Variants in BRPF3 observed in about 807,000 individuals in gnomAD.
The protein encoded by BRPF3 is bromodomain and PHD finger-containing protein 3.
Under a neutral mutation model 102.0 loss-of-function variants are expected in BRPF3, and 18 were observed. The ratio of observed to expected loss-of-function variants is 0.18; its 90% CI spans 0.12 to 0.26. BRPF3 has a LOEUF of 0.26. BRPF3 is among the 10% of genes least tolerant of loss of function. The pLI is 1.00. For synonymous variants in BRPF3, 570 were observed against 614.2 expected, an observed-to-expected ratio of 0.93 and a Z score of 1.06; for missense variants, 1,147 against 1,567.8, an observed-to-expected ratio of 0.73 and a Z score of 4.53.
Position 36,225,299 on chromosome 6 carries a change from G to A in BRPF3, c.3214G>A (p.Gly1072Arg), listed in dbSNP as rs140562388. The A allele has an allele frequency of 1.2e-5, 19 of 1,610,094 alleles. No individual in the cohort carries two copies. The highest frequency in any genetic ancestry group is 1.1e-4 in the African/African-American group (8 of 75,038). ...CCTCCTGCTGCCCTTTGAAGACCGC[G>A]GAGACCTGGAGCCCTTGGAGCTGGT... The part of the protein sequence containing the change: ...RSLLLPFEDR[G>R]DLEPLELVWA... Residue 1072 changes from glycine (G) to arginine (R), a missense_variant, in exon 11 of 13, where the codon GGA becomes AGA. Gly to Arg is a moderately radical substitution (Grantham distance 125). Coordinates refer to ENST00000357641, the MANE Select transcript of BRPF3 (RefSeq NM_015695.3).
chr6:36,214,668 TC>T (rs1457239624), intron 8 of BRPF3, among the ~76,000 whole-genome samples: 1 of 152,230 alleles, frequency 6.6e-6, no homozygotes, highest in Non-Finnish European at 1.5e-5. Flanking sequence ...TACCTTCATT[TC>T]AGTTCATTCA....
chr6:36,207,389 G>T lies in BRPF3; in HGVS notation c.1682G>T (p.Arg561Leu). The T allele has an allele frequency of 6.2e-7, 1 of 1,614,112 alleles. No individual in the cohort carries two copies. Among genetic ancestry groups the T allele is most frequent in the African/African-American group, 1.3e-5 (1 of 75,024 alleles). ...YWQKLRHDLE[R>L]ARLLIELIRK... ...CAGAAGCTCCGGCATGACTTGGAGC[G>T]GGCGCGGCTGCTGATTGAGCTGATT... Residue 561 changes from arginine (R) to leucine (L), a missense_variant, in exon 4 of 13, where the codon CGG (arginine) becomes CTG (leucine). Coordinates refer to ENST00000357641, the MANE Select transcript of BRPF3 (RefSeq NM_015695.3).
intron 9 of BRPF3, among the ~76,000 whole-genome samples, chr6:36,220,222 T>C (rs1195513324): frequency 6.6e-6 from 1 of 152,250 alleles, no homozygotes; most frequent in Non-Finnish European, 1.5e-5. Flanking sequence ...TCCTATTTTA[T>C]TGAGCTCATC....
intron 9 of BRPF3, among the ~76,000 whole-genome samples, chr6:36,219,617 T>G (rs1768462384): frequency 6.6e-6 from 1 of 152,212 alleles, no homozygotes; most frequent in Non-Finnish European, 1.5e-5. Flanking sequence ...GTGGCGTGTT[T>G]GCCTTTCTGC....
chr6:36,220,761 G>A (rs546462409), intron 9 of BRPF3, among the ~76,000 whole-genome samples: 1 of 152,146 alleles, frequency 6.6e-6, no homozygotes, highest in East Asian at 1.9e-4. Context: ...TTCCCAAACA[G>A]TTTCTATTTT....
chr6:36,230,324 C>T lies in BRPF3; in HGVS notation c.3435-102C>T. On this transcript the variant is annotated intron_variant, in intron 12 of 12. Coordinates refer to ENST00000357641, the MANE Select transcript of BRPF3 (RefSeq NM_015695.3). This position sits in a 1 kb window ranked among gnomAD's most constrained non-coding sequence, Gnocchi z 5.4. The stretch of plus-strand genomic sequence containing the variant: ...CAATTTGCTTCCCTCTGCCCTGTAC[C>T]CTCTCCCTGGCTTTGCTGGTCCTGG... 1 of 1,216,084 alleles carries T rather than the reference C, an allele frequency of 8.2e-7. No homozygotes were observed. The highest frequency in any genetic ancestry group is 1.2e-6 in the Non-Finnish European group (1 of 846,756). The allele number at this position is 1,216,084 out of a possible 1,614,324, so 75.3% of individuals were successfully genotyped here. A position where few individuals can be genotyped will look rare whatever the true frequency, so the allele number is the denominator to read the frequency against.
intron 11 of BRPF3, among the ~76,000 whole-genome samples, chr6:36,225,573 C>T (rs1044327668): frequency 5.3e-5 from 8 of 152,122 alleles, no homozygotes; most frequent in African/African-American, 1.9e-4. Context: ...AGATCAAGGC[C>T]AGGGTTCTTA....
intron 6 of BRPF3, 97 bp from the exon 7 acceptor site, chr6:36,211,161 C>T (rs1011065758): frequency 6.5e-6 from 9 of 1,375,126 alleles, no homozygotes; most frequent in Non-Finnish European, 8.9e-6. Context: ...CCAGGCATTC[C>T]AAGAGAGAGT....
intron 12 of BRPF3, among the ~76,000 whole-genome samples, chr6:36,229,957 T>G (rs182056230): frequency 1.3e-5 from 2 of 152,176 alleles, no homozygotes; most frequent in Non-Finnish European, 2.9e-5. Context: ...CCACATGTTA[T>G]ATTCACCCGG....
rs1030738974 is a variant in BRPF3, at chr6:36,231,008, C to T, written c.*399C>T. On this transcript the variant is annotated 3_prime_UTR_variant, in exon 13 of 13. Transcript: ENST00000357641. ...GGGCGGGTGAGGTTCCGACACTGAT[C>T]CCAGAGATGCCGTGGATACGCCAGG... 1.1e-4 allele frequency: 19 copies of T among 178,312 alleles called. No homozygotes were observed. Among genetic ancestry groups the T allele is most frequent in the Admixed American group, 1.0e-3 (17 of 16,830 alleles). The allele number at this position is 178,312 out of a possible 1,614,324, so 11.0% of individuals were successfully genotyped here. A position where few individuals can be genotyped will look rare whatever the true frequency, so the allele number is the denominator to read the frequency against.
chr6:36,218,358 A>G (rs1445417686), intron 9 of BRPF3, among the ~76,000 whole-genome samples: 2 of 152,090 alleles, frequency 1.3e-5, no homozygotes, highest in Admixed American at 1.3e-4. Context: ...CAACCCAGCC[A>G]TTACAGAGTT....
intron 2 of BRPF3, among the ~76,000 whole-genome samples, chr6:36,202,171 G>A (rs1328947490): frequency 6.6e-6 from 1 of 152,056 alleles, no homozygotes; most frequent in African/African-American, 2.4e-5. Context: ...CCTGGTCTTT[G>A]TGACAAACTC....
chr6:36,203,807 A>T (rs1767804667), intron 2 of BRPF3, among the ~76,000 whole-genome samples: 1 of 152,222 alleles, frequency 6.6e-6, no homozygotes, highest in Admixed American at 6.5e-5. Flanking sequence ...GAGATCGTGG[A>T]TTCAAATCCA....
Position 36,231,732 on chromosome 6 carries a change from C to G in BRPF3, c.*1123C>G, listed in dbSNP as rs1016596343. 2.6e-5 allele frequency: 4 copies of G among 152,540 alleles called. No homozygotes were observed. Among genetic ancestry groups the G allele is most frequent in the African/African-American group, 9.7e-5 (4 of 41,440 alleles). 9.4% of individuals were successfully genotyped at this position (152,540 alleles called of 1,614,324 possible). A position where few individuals can be genotyped will look rare whatever the true frequency, so the allele number is the denominator to read the frequency against. ...CTTCCCAACTCCAGGGAATGCATTA[C>G]TTTTATTTCAAACCCTCTGCCTCCT... On this transcript the variant is annotated 3_prime_UTR_variant, in exon 13 of 13. Coordinates refer to ENST00000357641, the MANE Select transcript of BRPF3 (RefSeq NM_015695.3).
At chr6:36,227,245 G>A (rs936867517) in intron 11 of BRPF3, among the ~76,000 whole-genome samples, 4 of 150,092 alleles carry the variant, frequency 2.7e-5, no homozygotes, top group African/African-American at 9.8e-5. Flanking sequence ...TCTTGTTTTT[G>A]TTTTTGTTTT....
chr6:36,199,250 C>T (rs1767611580), intron 1 of BRPF3, among the ~76,000 whole-genome samples: 1 of 152,158 alleles, frequency 6.6e-6, no homozygotes, highest in South Asian at 2.1e-4. Context: ...AGCGCGAACC[C>T]TACTGTGAAC....
intron 1 of BRPF3, 175 bp downstream of exon 1, chr6:36,197,145 T>G (rs1581932555): frequency 1.3e-5 from 2 of 152,010 alleles, no homozygotes; most frequent in Admixed American, 6.6e-5. Context: ...AGAAGGCGGG[T>G]GAGCGGGGGA....
intron 11 of BRPF3, among the ~76,000 whole-genome samples, chr6:36,226,090 T>G (rs1236356552): frequency 1.3e-5 from 2 of 152,244 alleles, no homozygotes; most frequent in Non-Finnish European, 2.9e-5. Context: ...ATTCCCTAGT[T>G]GGTCACTTAC....
chr6:36,209,017 A>G (rs1768002866), intron 4 of BRPF3, among the ~76,000 whole-genome samples: 1 of 152,196 alleles, frequency 6.6e-6, no homozygotes, highest in Admixed American at 6.5e-5. Flanking sequence ...CACATTTTAC[A>G]TCATCATTGT....
Sources: gnomAD v4.1 joint callset for allele counts (sites outside exome capture counted in the v4.1 genomes callset) on GRCh38, gnomAD v4.1.1 for gene constraint, Gnocchi (gnomAD v3.1) non-coding constraint, MANE v1.5 for transcripts, NCBI Gene and HGNC (gene_info 2026-07-23, HGNC 2026-07-21) for gene names.